Variants in STAC3 observed in about 807,000 individuals in gnomAD.
The protein encoded by STAC3 is SH3 and cysteine rich domain 3.
In STAC3, 30 loss-of-function variants were observed where a neutral mutation model predicts 48.5. The ratio of observed to expected loss-of-function variants is 0.62; its 90% CI spans 0.46 to 0.84. The LOEUF (loss-of-function observed/expected upper bound fraction) is 0.84. Ranked by LOEUF, STAC3 falls within the 40% of genes least tolerant of loss-of-function variation. The pLI is 0.00. For missense variants in STAC3, 419 were observed against 462.6 expected (o/e 0.91, Z 0.86); for synonymous variants, 144 against 158.6 (o/e 0.91, Z 0.69).
At chr12:57,250,610 C>A (rs1212024080) in intron 1 of STAC3, among the ~76,000 whole-genome samples, 1 of 152,100 alleles carries the variant, frequency 6.6e-6, no homozygotes, top group Non-Finnish European at 1.5e-5. Context: ...CTTCCCAGAT[C>A]TCCTCTCTTC....
intron 6 of STAC3, among the ~76,000 whole-genome samples, chr12:57,245,418 C>G (rs1351986438): frequency 4.0e-5 from 6 of 151,278 alleles, no homozygotes; most frequent in Admixed American, 2.0e-4. Flanking sequence ...GTCACCCAGG[C>G]TGGAGTGCAG....
At position 57,249,575 on chromosome 12, in the gene STAC3, C is replaced by T; in HGVS notation, c.62G>A (p.Ser21Asn). The T allele has an allele frequency of 6.2e-7, 1 of 1,614,096 alleles. No homozygotes were observed. Among genetic ancestry groups the T allele is most frequent in the Non-Finnish European group, 8.5e-7 (1 of 1,180,006 alleles). ...KPSFPAETRQ[S>N]GLQRLKQLLR... ...TGGTCAGAGGCCCAGACTCACCCCA[C>T]TTTGCCGAGTCTCTGCTGGGAAGGA... Residue 21 changes from serine (S) to asparagine (N), a missense_variant, in exon 2 of 12, where the codon AGT becomes AAT. Transcript: ENST00000332782.
At chr12:57,250,807 T>G (rs1198567379) in intron 1 of STAC3, among the ~76,000 whole-genome samples, 186 bp downstream of exon 1, 1 of 151,574 alleles carries the variant, frequency 6.6e-6, no homozygotes, top group Non-Finnish European at 1.5e-5. Flanking sequence ...CTTCATTCCC[T>G]TCACCCCACC....
chr12:57,248,155 T>G lies in STAC3; in HGVS notation c.476A>C (p.Asn159Thr). 3 of 1,614,068 alleles carry G rather than the reference T, an allele frequency of 1.9e-6. No individual in the cohort carries two copies. The highest frequency in any genetic ancestry group is 2.5e-6 in the Non-Finnish European group (3 of 1,179,970). Residue 159 changes from asparagine (N) to threonine (T), a missense_variant, in exon 5 of 12, where the codon AAC becomes ACC. Asn to Thr is a moderately conservative substitution (Grantham distance 65, BLOSUM62 0). Transcript: ENST00000332782. ...ATCTTTGACACAAGCGTACTGCTGG[T>G]TGCTGTAGAGTGGGGAACTATAGGC... ...HRAYSSPLYS[N>T]QQYACVKDLS...
rs1443647318 is a variant in STAC3 at position 57,243,924 on chromosome 12, G to A, written c.997-14C>T. 6.2e-7 allele frequency: 1 copy of A among 1,613,234 alleles called. No individual in the cohort carries two copies. Among genetic ancestry groups the A allele is most frequent in the Non-Finnish European group, 8.5e-7 (1 of 1,179,646 alleles). On this transcript the variant is annotated splice_polypyrimidine_tract_variant and intron_variant, in intron 11 of 11. Coordinates refer to ENST00000332782, the MANE Select transcript of STAC3 (RefSeq NM_145064.3). Reference sequence around the variant, plus strand: ...CTGCACCACGATCTAGAAGATTAAAGGATCAGAAGTAGGAGAGGAATCAAA... The same window carrying A: ...CTGCACCACGATCTAGAAGATTAAAAGATCAGAAGTAGGAGAGGAATCAAA...
chr12:57,247,776 C>T (rs1389471423), intron 5 of STAC3, among the ~76,000 whole-genome samples: 1 of 152,080 alleles, frequency 6.6e-6, no homozygotes, highest in East Asian at 1.9e-4. Context: ...TGGGTCTTGC[C>T]CCGAGTCTGA....
intron 5 of STAC3, among the ~76,000 whole-genome samples, chr12:57,247,804 G>A (rs1030651021): frequency 1.3e-5 from 2 of 152,208 alleles, no homozygotes; most frequent in African/African-American, 2.4e-5. Flanking sequence ...CTGTAGTAAG[G>A]ATGAGGACAA....
chr12:57,245,457 C>T (rs539167504), intron 6 of STAC3, among the ~76,000 whole-genome samples: 21 of 150,902 alleles, frequency 1.4e-4, no homozygotes, highest in African/African-American at 3.5e-4. Context: ...GTGCCAGCTC[C>T]GCCTCCAGGT....
Position 57,243,788 on chromosome 12 carries a change from TCC to T in STAC3, c.*22_*23del, listed in dbSNP as rs759602969. ...CCGCCCAGAATGGGGTGTGGGTGTC[TCC>T]CGCTTGCAGGCGCCCGCACGCCTAA... On this transcript the variant is annotated 3_prime_UTR_variant, in exon 12 of 12. Transcript: ENST00000332782. The T allele has an allele frequency of 6.2e-7, 1 of 1,608,848 alleles. No homozygotes were observed. Among genetic ancestry groups the T allele is most frequent in the East Asian group, 2.2e-5 (1 of 44,798 alleles).
intron 8 of STAC3, 108 bp downstream of exon 8, chr12:57,244,808 G>C: frequency 7.0e-7 from 1 of 1,430,964 alleles, no homozygotes; most frequent in Non-Finnish European, 9.8e-7. Flanking sequence ...CAGAAGTGAT[G>C]GGAAGCCTAG....
At position 57,251,093 on chromosome 12, in the gene STAC3, G is replaced by A; in HGVS notation, c.-102C>T. Reference sequence around the variant, plus strand: ...GAAAAACTGGTCCTCTTCCTTGGGGGCTAAGCCCCCCCAGTACCCCCTGTG... The same window carrying A: ...GAAAAACTGGTCCTCTTCCTTGGGGACTAAGCCCCCCCAGTACCCCCTGTG... On this transcript the variant is annotated 5_prime_UTR_variant, in exon 1 of 12. Coordinates refer to ENST00000332782, the MANE Select transcript of STAC3 (RefSeq NM_145064.3). 1 of 448,808 alleles carries A rather than the reference G, an allele frequency of 2.2e-6. No individual in the cohort carries two copies. The highest frequency in any genetic ancestry group is 4.5e-6 in the Non-Finnish European group (1 of 223,176). The allele number at this position is 448,808 out of a possible 1,614,324, so 27.8% of individuals were successfully genotyped here. A position where few individuals can be genotyped will look rare whatever the true frequency, so the allele number is the denominator to read the frequency against.
At chr12:57,248,300 T>C (rs1312805226) in intron 4 of STAC3, 102 bp from the exon 5 acceptor site, 1 of 989,846 alleles carries the variant, frequency 1.0e-6, no homozygotes, top group African/African-American at 1.6e-5. Context: ...AGAGATGGGC[T>C]GAGAAAGAAA....
At position 57,250,247 on chromosome 12, in the gene STAC3, G is replaced by A. The variant is rs80061381; in HGVS notation, c.-1-610C>T. 9.0e-3 allele frequency among the ~76,000 whole-genome samples: 1,363 copies of A among 152,132 alleles called. 22 individuals are homozygous for A. Among genetic ancestry groups the A allele is most frequent in the East Asian group, 0.072 (370 of 5,166 alleles). On this transcript the variant is annotated intron_variant, in intron 1 of 11. Coordinates refer to ENST00000332782, the MANE Select transcript of STAC3 (RefSeq NM_145064.3). ...TCTACTAAATATATAAAAATTAGCC[G>A]GGTGTGGTGGCGGACGCCTGTAATC...
At chr12:57,249,668 T>C (rs2136837570) in intron 1 of STAC3, 31 bp from the exon 2 acceptor site, 1 of 1,611,544 alleles carries the variant, frequency 6.2e-7, no homozygotes, top group Non-Finnish European at 8.5e-7. Flanking sequence ...CTATGAAATC[T>C]AATCCCTTTC....
intron 2 of STAC3, 100 bp from the exon 3 acceptor site, chr12:57,249,408 G>T: frequency 6.6e-7 from 1 of 1,504,810 alleles, no homozygotes; most frequent in Non-Finnish European, 8.9e-7. Context: ...CTAGTTTCAG[G>T]CAAGGAATGT....
Position 57,249,565 on chromosome 12 carries a change from ACT to A in STAC3, c.66+4_66+5del. The A allele has an allele frequency of 6.2e-7, 1 of 1,613,572 alleles. No homozygotes were observed. The highest frequency in any genetic ancestry group is 8.5e-7 in the Non-Finnish European group (1 of 1,179,922). On this transcript the variant is annotated splice_donor_5th_base_variant and intron_variant, in intron 2 of 11. Coordinates refer to ENST00000332782, the MANE Select transcript of STAC3 (RefSeq NM_145064.3). ...CCACACCCAGTGGTCAGAGGCCCAG[ACT>A]CACCCCACTTTGCCGAGTCTCTGCT...
chr12:57,247,422 A>ATTTTTTTTTTTTTTTTTTTTT (rs1380789337), intron 5 of STAC3, among the ~76,000 whole-genome samples: 2 of 68,398 alleles, frequency 2.9e-5, no homozygotes, highest in African/African-American at 1.2e-4. Flanking sequence ...TATTATTATT[A>ATTTTTTTTTTTTTTTTTTTTT]TTATTATTTT....
chr12:57,244,935 T>C lies in STAC3; in HGVS notation c.701A>G (p.Lys234Arg). Residue 234 changes from lysine (K) to arginine (R), a missense_variant, in exon 8 of 12, where the codon AAG (lysine) becomes AGG (arginine). Transcript: ENST00000332782. Reference sequence around the variant, plus strand: ...TCTTACCTTGTCATCAGGTGTCTTCTTCTCAGCCTTCTTATCCCCTTCAGG... The same window carrying C: ...TCTTACCTTGTCATCAGGTGTCTTCCTCTCAGCCTTCTTATCCCCTTCAGG... ...GNPEGDKKAE[K>R]KTPDDKHKQP... 1 of 1,614,194 alleles carries C rather than the reference T, an allele frequency of 6.2e-7. No homozygotes were observed.
rs2037686535 is a variant in STAC3, at chr12:57,244,576, T to C, written c.767A>G (p.Tyr256Cys). Residue 256 changes from tyrosine to cysteine, a missense_variant, in exon 9 of 12, where the codon TAT becomes TGT. Transcript: ENST00000332782. ...GTCCTTCTCCAGGGCTTTGAACCGA[T>C]AGAGAGCCACAAAGTAATGAGACTG... ...FQQSHYFVAL[Y>C]RFKALEKDDL... 2.5e-6 allele frequency: 4 copies of C among 1,614,192 alleles called. No individual in the cohort carries two copies. The highest frequency in any genetic ancestry group is 1.1e-5 in the South Asian group (1 of 91,080).
Sources: allele counts gnomAD v4.1 joint callset (sites outside exome capture counted in the v4.1 genomes callset), GRCh38; gene constraint gnomAD v4.1.1; transcripts MANE v1.5; gene names NCBI Gene and HGNC (gene_info 2026-07-23, HGNC 2026-07-21).